Variants in PCDHA5 observed in about 807,000 individuals in gnomAD.
The protein encoded by PCDHA5 is protocadherin alpha 5.
Under a neutral mutation model 61.6 loss-of-function variants are expected in PCDHA5, and 43 were observed. The observed-to-expected ratio is 0.70, with a 90% CI of 0.55 to 0.90. The LOEUF is 0.90. Among genes scored for constraint, PCDHA5 ranks in the 40% least tolerant of loss-of-function variants. PCDHA5 has a pLI of 0.00. For synonymous variants in PCDHA5, 627 were observed against 543.9 expected (o/e 1.15, Z -2.13); for missense variants, 1,298 against 1,222.7 (o/e 1.06, Z -0.92).
rs2150154033 is a variant in PCDHA5, at chr5:140,828,324, A to C, written c.2352+4197A>C. ...GACCGCGAGGACCTTCTGGAGGTAA[A>C]TCTGCAGAATGGCATTTTGTTTGTG... On this transcript the variant is annotated intron_variant, in intron 1 of 3. Transcript: ENST00000529859. The C allele has an allele frequency of 3.7e-6, 6 of 1,614,194 alleles. No homozygotes were observed. In the South Asian group the frequency reaches 6.6e-5, roughly 18 times the overall value.
At chr5:140,928,696 C>A in intron 1 of PCDHA5, 2 of 1,614,146 alleles carry the variant, frequency 1.2e-6, no homozygotes, top group South Asian at 2.2e-5. Flanking sequence ...CCACATCTCC[C>A]GGGCGTCTGA....
chr5:140,956,733 C>A (rs1412191742), intron 1 of PCDHA5, among the ~76,000 whole-genome samples: 1 of 152,172 alleles, frequency 6.6e-6, no homozygotes, highest in Non-Finnish European at 1.5e-5. Flanking sequence ...ACCAGCTCCT[C>A]TTTGTACCTC....
intron 1 of PCDHA5, among the ~76,000 whole-genome samples, chr5:140,896,899 C>T (rs191660343): frequency 1.4e-4 from 21 of 152,112 alleles, no homozygotes; most frequent in Admixed American, 1.4e-3. Flanking sequence ...CATTTTGATA[C>T]AAGCATGCAA....
chr5:140,959,646 G>A (rs1222418847), intron 1 of PCDHA5, among the ~76,000 whole-genome samples: 5 of 152,010 alleles, frequency 3.3e-5, no homozygotes, highest in Admixed American at 6.6e-5. Context: ...AAACACAGAA[G>A]CAAAATTGAA....
chr5:140,995,529 C>G (rs1191657600), intron 3 of PCDHA5, among the ~76,000 whole-genome samples: 1 of 152,078 alleles, frequency 6.6e-6, no homozygotes, highest in East Asian at 1.9e-4. Flanking sequence ...GAAATCAAAC[C>G]TCAAATAAGG....
intron 3 of PCDHA5, among the ~76,000 whole-genome samples, chr5:141,007,904 T>C (rs1397513381): frequency 6.6e-6 from 1 of 152,278 alleles, no homozygotes; most frequent in African/African-American, 2.4e-5. Flanking sequence ...TTGTTCTTTG[T>C]TGAAGATGCT....
At chr5:140,836,137 TG>T in intron 1 of PCDHA5, 1 of 1,613,712 alleles carries the variant, frequency 6.2e-7, no homozygotes, top group Non-Finnish European at 8.5e-7. Context: ...CCGCGGTCTG[TG>T]GGCGCGGGCC....
chr5:140,928,288 C>T (rs541893248), intron 1 of PCDHA5: 37 of 1,614,156 alleles, frequency 2.3e-5, no homozygotes, highest in East Asian at 4.5e-5. Flanking sequence ...CTCTCTAGGC[C>T]GAGTGTTTGC....
chr5:140,849,506 T>C, intron 1 of PCDHA5: 1 of 1,596,374 alleles, frequency 6.3e-7, no homozygotes, highest in African/African-American at 1.4e-5. Context: ...GTACACTTCT[T>C]GTGGAAGTTG....
In PCDHA5 at chr5:140,929,213, A is replaced by T. The variant is rs199608631; in HGVS notation, c.2353-49736A>T. On this transcript the variant is annotated intron_variant, in intron 1 of 3. Coordinates refer to ENST00000529859, the MANE Select transcript of PCDHA5 (RefSeq NM_018908.3). ...AATAACAGTTTGCTGTTGCGTGGGG[A>T]GTACAATGCTGCCGACCTGCGAAAT... 3 of 1,614,052 alleles carry T rather than the reference A, an allele frequency of 1.9e-6. No homozygotes were observed. The East Asian group carries it at 6.7e-5, about 36-fold the overall frequency.
At chr5:140,835,470 G>T in intron 1 of PCDHA5, 2 of 1,613,868 alleles carry the variant, frequency 1.2e-6, no homozygotes, top group Non-Finnish European at 1.7e-6. Flanking sequence ...TCCAGAGGAC[G>T]CCCAACCAGG....
At chr5:140,836,276 C>T (rs2150256592) in intron 1 of PCDHA5, 3 of 1,613,790 alleles carry the variant, frequency 1.9e-6, no homozygotes, top group East Asian at 2.2e-5. Flanking sequence ...CTGGTGAGAT[C>T]AGCACGACAC....
chr5:140,926,570 G>A (rs2083360845), intron 1 of PCDHA5: 1 of 267,246 alleles, frequency 3.7e-6, no homozygotes, highest in African/African-American at 2.2e-5. Flanking sequence ...TGCTACTGGA[G>A]ACAGCACCTC....
At chr5:140,880,514 TC>T (rs1459255635) in intron 1 of PCDHA5, among the ~76,000 whole-genome samples, 1 of 152,198 alleles carries the variant, frequency 6.6e-6, no homozygotes, top group Non-Finnish European at 1.5e-5. Context: ...TTTGGTCACA[TC>T]TCTCAATGTG....
chr5:140,850,353 A>G, intron 1 of PCDHA5: 1 of 1,597,852 alleles, frequency 6.3e-7, no homozygotes, highest in Non-Finnish European at 8.6e-7. Context: ...CAGCGCGAGC[A>G]TCCCGTTCCG....
Position 140,823,011 on chromosome 5 carries a change from G to T in PCDHA5, c.1236G>T (p.Leu412=). The change falls in exon 1 of 4, where the codon CTG becomes CTT. Residue 412 remains leucine, a synonymous_variant. Transcript: ENST00000529859. ...NYYSLVLDSA[L]DRESVSVYEL... is the part of the protein sequence containing the mutation. ...ACTCGTTGGTGCTGGACAGCGCCCT[G>T]GACCGCGAGAGCGTGTCGGTCTATG... is the stretch of plus-strand genomic sequence containing the variant. The T allele has an allele frequency of 6.2e-7, 1 of 1,614,246 alleles. No individual in the cohort carries two copies. Among genetic ancestry groups the T allele is most frequent in the Non-Finnish European group, 8.5e-7 (1 of 1,180,054 alleles).
At chr5:140,824,627 T>TG (rs1379526597) in intron 1 of PCDHA5, 1 of 134,010 alleles carries the variant, frequency 7.5e-6, no homozygotes, top group East Asian at 2.0e-4. Flanking sequence ...TTTTTTTTTT[T>TG]TTTTTATTTT....
intron 1 of PCDHA5, among the ~76,000 whole-genome samples, chr5:140,975,757 A>G (rs779490429): frequency 6.6e-5 from 10 of 152,234 alleles, no homozygotes; most frequent in South Asian, 2.1e-4. Flanking sequence ...ATTCTATGTC[A>G]TAAATCACAG....
intron 1 of PCDHA5, chr5:140,871,297 G>A (rs781824958): frequency 5.6e-6 from 9 of 1,613,778 alleles, no homozygotes; most frequent in African/African-American, 5.3e-5. Context: ...GGGCGCGTGC[G>A]CGCCGGGGAA....
Sources: allele counts gnomAD v4.1 joint callset (sites outside exome capture counted in the v4.1 genomes callset), GRCh38; gene constraint gnomAD v4.1.1; transcripts MANE v1.5; gene names NCBI Gene and HGNC (gene_info 2026-07-23, HGNC 2026-07-21).